The following TP63 variants were observed in gnomAD, a reference collection of about 807,000 sequenced individuals.
TP63 encodes tumor protein 63.
A neutral mutation model predicts 82.8 loss-of-function variants in TP63; 17 were observed. The ratio of observed to expected loss-of-function variants is 0.21; its 90% CI spans 0.14 to 0.31. TP63 has a LOEUF of 0.31. Among genes scored for constraint, TP63 ranks in the 10% least tolerant of loss-of-function variants. The probability of loss-of-function intolerance (pLI) is 1.00; values close to 1 mark genes in which losing one functional copy is unlikely to be tolerated. For synonymous variants in TP63, 330 were observed against 321.7 expected (o/e 1.03, Z -0.28); for missense variants, 648 against 895.3 (o/e 0.72, Z 3.52).
intron 4 of TP63, among the ~76,000 whole-genome samples, chr3:189,824,623 A>T (rs1222296753): frequency 1.3e-5 from 2 of 152,120 alleles, no homozygotes; most frequent in Non-Finnish European, 2.9e-5. Context: ...CTGCTGTCAC[A>T]CGGCACTGCC....
the TP63 span, among the ~76,000 whole-genome samples, chr3:189,609,698 A>G: frequency 2.6e-5 from 4 of 152,182 alleles, no homozygotes; most frequent in Non-Finnish European, 5.9e-5. Context: ...ATGTTCATGC[A>G]AAAGACTTGA....
At chr3:189,764,255 A>G (rs1323312425) in intron 3 of TP63, among the ~76,000 whole-genome samples, 1 of 152,174 alleles carries the variant, frequency 6.6e-6, no homozygotes, top group Non-Finnish European at 1.5e-5. Context: ...ATAGAGGAAA[A>G]TGAGAGTCTC....
intron 3 of TP63, among the ~76,000 whole-genome samples, chr3:189,766,658 C>T (rs972771718): frequency 6.6e-6 from 1 of 152,104 alleles, no homozygotes; most frequent in Non-Finnish European, 1.5e-5. Context: ...AGACTGTCTC[C>T]TCATTGAGAT....
intron 4 of TP63, among the ~76,000 whole-genome samples, chr3:189,811,847 G>C (rs1346408153): frequency 6.6e-6 from 1 of 152,168 alleles, no homozygotes; most frequent in African/African-American, 2.4e-5. Context: ...TTTGAGACCA[G>C]GGAGGGGCAT....
chr3:189,656,405 G>C lies in TP63; in HGVS notation c.62+24828G>C, dbSNP rs190126794. Among the ~76,000 whole-genome samples, 439 of 152,236 alleles carry C rather than the reference G, an allele frequency of 2.9e-3. 2 individuals carry two copies. Among genetic ancestry groups the C allele is most frequent in the African/African-American group, 0.01 (421 of 41,572 alleles). On this transcript the variant is annotated intron_variant, in intron 1 of 13. Transcript: ENST00000264731. ...AAAATGGTCTTATATAATATGCTTAGTTAAAACCAAAGAAGGCATAAGGGT... is the reference window on the plus strand; with the variant it reads ...AAAATGGTCTTATATAATATGCTTACTTAAAACCAAAGAAGGCATAAGGGT...
intron 1 of TP63, among the ~76,000 whole-genome samples, chr3:189,729,851 G>A (rs1385681385): frequency 6.6e-6 from 1 of 152,148 alleles, no homozygotes. Flanking sequence ...CTTGGGCACT[G>A]TTAGGTACAA....
At chr3:189,811,550 G>GT (rs1727572196) in intron 4 of TP63, among the ~76,000 whole-genome samples, 1 of 152,218 alleles carries the variant, frequency 6.6e-6, no homozygotes, top group Admixed American at 6.5e-5. Flanking sequence ...CTAAAAAGAT[G>GT]TAAGTTCTTC....
At chr3:189,809,114 A>G (rs918352385) in intron 4 of TP63, among the ~76,000 whole-genome samples, 5 of 152,008 alleles carry the variant, frequency 3.3e-5, no homozygotes, top group African/African-American at 1.2e-4. Flanking sequence ...TAATTTATTG[A>G]TATGTATATA....
intron 4 of TP63, among the ~76,000 whole-genome samples, chr3:189,855,430 C>T (rs1357355097): frequency 6.6e-6 from 1 of 152,104 alleles, no homozygotes; most frequent in Non-Finnish European, 1.5e-5. Context: ...CTCAATTACT[C>T]TGTTTTAAGA....
chr3:189,631,202 G>A (rs1729437998), upstream of TP63: 1 of 983,232 alleles, frequency 1.0e-6, no homozygotes, highest in African/African-American at 1.7e-5. Flanking sequence ...AACAACAAGT[G>A]TGGCTACTAT....
chr3:189,886,712 T>C (rs1204624703), intron 11 of TP63, among the ~76,000 whole-genome samples, 161 bp downstream of exon 11: 1 of 152,140 alleles, frequency 6.6e-6, no homozygotes, highest in Admixed American at 6.5e-5. Flanking sequence ...CCTTTCACTT[T>C]TGAGGTTTAT....
chr3:189,678,053 GTTCACTCTATAT>G (rs1715599165), intron 1 of TP63, among the ~76,000 whole-genome samples: 1 of 151,870 alleles, frequency 6.6e-6, no homozygotes, highest in East Asian at 1.9e-4. Context: ...CAGATTGTCT[GTTCACTCTATAT>G]TTCTTTTGCT....
At chr3:189,631,364 A>G (rs1729445435), upstream of TP63, 5 of 1,504,072 alleles carry the variant, frequency 3.3e-6, no homozygotes, top group African/African-American at 1.4e-5. Context: ...GCAAATATGT[A>G]TGAAGGAGAG....
At chr3:189,762,307 A>G (rs1429286308) in intron 3 of TP63, among the ~76,000 whole-genome samples, 2 of 152,146 alleles carry the variant, frequency 1.3e-5, no homozygotes, top group Non-Finnish European at 2.9e-5. Flanking sequence ...GTTATTTGGT[A>G]TGTCAGAGTC....
At chr3:189,890,556 G>A (rs1040673442) in intron 12 of TP63, among the ~76,000 whole-genome samples, 2 of 152,074 alleles carry the variant, frequency 1.3e-5, no homozygotes, top group Admixed American at 1.3e-4. Context: ...TATGATAATC[G>A]CTGATCTGCA....
chr3:189,765,433 C>CTTTTGTTTTTTTTTTTTTTTTTT (rs1722871537), intron 3 of TP63, among the ~76,000 whole-genome samples: 2 of 30,086 alleles, frequency 6.6e-5, no homozygotes, highest in South Asian at 2.2e-3. Context: ...CTGTCCTCTG[C>CTTTTGTTTTTTTTTTTTTTTTTT]TTTTTTTTTT....
chr3:189,630,497 G>A (rs1018435774), upstream of TP63, among the ~76,000 whole-genome samples: 10 of 152,128 alleles, frequency 6.6e-5, no homozygotes, highest in Non-Finnish European at 1.0e-4. Context: ...AGTAGGTCAA[G>A]TCAAAGCAAA....
At chr3:189,827,357 C>A (rs998270157) in intron 4 of TP63, among the ~76,000 whole-genome samples, 7 of 152,142 alleles carry the variant, frequency 4.6e-5, no homozygotes, top group African/African-American at 1.7e-4. Flanking sequence ...ACCCACCCCC[C>A]ACCAGCTCCC....
chr3:189,678,801 T>C (rs568673025), intron 1 of TP63, among the ~76,000 whole-genome samples: 3 of 152,170 alleles, frequency 2.0e-5, no homozygotes, highest in African/African-American at 7.2e-5. Flanking sequence ...TTTTGTAGTT[T>C]TCCTTGTAGA....
Sources: allele counts gnomAD v4.1 joint callset (sites outside exome capture counted in the v4.1 genomes callset), GRCh38; gene constraint gnomAD v4.1.1; transcripts MANE v1.5; gene names NCBI Gene and HGNC (gene_info 2026-07-23, HGNC 2026-07-21).